Variants in ITK observed in about 807,000 individuals in gnomAD.
ITK encodes IL2 inducible T cell kinase.
Under a neutral mutation model 87.6 loss-of-function variants are expected in ITK, and 45 were observed. The ratio of observed to expected loss-of-function variants is 0.51; its 90% confidence interval spans 0.40 to 0.66. The LOEUF (loss-of-function observed/expected upper bound fraction) is 0.66, where lower values mean the gene tolerates loss of function less well. Ranked by LOEUF, ITK falls within the 30% of genes least tolerant of loss-of-function variation. ITK has a pLI of 0.00. For missense variants in ITK, 605 were observed against 766.3 expected (o/e 0.79, Z 2.48); for synonymous variants, 303 against 273.6 (o/e 1.11, Z -1.06).
intron 8 of ITK, among the ~76,000 whole-genome samples, chr5:157,234,994 G>T (rs377335789): frequency 6.6e-6 from 1 of 152,092 alleles, no homozygotes; most frequent in Non-Finnish European, 1.5e-5. Flanking sequence ...AACTCCTGGT[G>T]TACTGCCCCA....
intron 8 of ITK, among the ~76,000 whole-genome samples, chr5:157,237,679 C>T (rs1447632720): frequency 6.6e-6 from 1 of 152,228 alleles, no homozygotes; most frequent in Non-Finnish European, 1.5e-5. Context: ...GCTTTGCTCA[C>T]ATACCAGAGT....
chr5:157,254,329 C>A lies in ITK; in HGVS notation c.*1651C>A. ...ACTTTGGAGTTATTCAGTTAATGAC[C>A]CTTTAATTCTCACAACCAACCAGTC... On this transcript the variant is annotated 3_prime_UTR_variant, in exon 17 of 17. Transcript: ENST00000422843. 1 of 225,740 alleles carries A rather than the reference C, an allele frequency of 4.4e-6. No individual in the cohort carries two copies. The highest frequency in any genetic ancestry group is 8.8e-6 in the Non-Finnish European group (1 of 113,438). The allele number at this position is 225,740 out of a possible 1,614,324, so 14.0% of individuals were successfully genotyped here. A position where few individuals can be genotyped will look rare whatever the true frequency, so the allele number is the denominator to read the frequency against.
chr5:157,249,280 T>C (rs933864363), intron 16 of ITK, among the ~76,000 whole-genome samples: 1 of 152,258 alleles, frequency 6.6e-6, no homozygotes, highest in Non-Finnish European at 1.5e-5. Context: ...CTATGCCAGC[T>C]TCCTTCTCGA....
chr5:157,228,379 T>C lies in ITK; in HGVS notation c.713+18T>C. 1 of 1,484,380 alleles carries C rather than the reference T, an allele frequency of 6.7e-7. No individual in the cohort carries two copies. Among genetic ancestry groups the C allele is most frequent in the Non-Finnish European group, 9.4e-7 (1 of 1,062,066 alleles). 92.0% of individuals were successfully genotyped at this position (1,484,380 alleles called of 1,614,324 possible). On this transcript the variant is annotated intron_variant, in intron 7 of 16. Transcript: ENST00000422843. ...ACCTATGAGTAAGATATTTTATTTG[T>C]TTTTGGAAAATACAGTCCTAAGGAA...
At chr5:157,252,528 A>G in intron 16 of ITK, 79 bp from the exon 17 acceptor site, 1 of 1,020,256 alleles carries the variant, frequency 9.8e-7, no homozygotes, top group Non-Finnish European at 1.6e-6. Flanking sequence ...GGATGCTGCT[A>G]TTAAATTCTG....
intron 1 of ITK, chr5:157,199,716 A>C (rs1194494350): frequency 6.6e-6 from 1 of 152,222 alleles, no homozygotes; most frequent in Non-Finnish European, 1.5e-5. Context: ...TTTCTCATCT[A>C]TAAAATGGGG....
intron 5 of ITK, 134 bp from the exon 6 acceptor site, chr5:157,222,729 C>A: frequency 1.3e-6 from 1 of 796,730 alleles, no homozygotes; most frequent in Non-Finnish European, 2.1e-6. Flanking sequence ...GTGTCATGTT[C>A]AGCGCTGTAA....
intron 9 of ITK, 60 bp from the exon 10 acceptor site, chr5:157,240,000 ACT>A: frequency 6.5e-7 from 1 of 1,531,154 alleles, no homozygotes. Context: ...ATACTCGTAG[ACT>A]TTTTTGTGTC....
intron 5 of ITK, among the ~76,000 whole-genome samples, chr5:157,222,085 G>T (rs1374896572): frequency 6.6e-6 from 1 of 152,100 alleles, no homozygotes; most frequent in African/African-American, 2.4e-5. Context: ...GCCACTAAAT[G>T]CTTCAATGTA....
intron 6 of ITK, among the ~76,000 whole-genome samples, chr5:157,226,471 G>A (rs1043486412): frequency 6.6e-6 from 1 of 152,178 alleles, no homozygotes; most frequent in Non-Finnish European, 1.5e-5. Context: ...CAGAAGGAAT[G>A]GCAAATTTCA....
intron 5 of ITK, 80 bp downstream of exon 5, chr5:157,217,987 C>T (rs1754334285): frequency 2.4e-6 from 3 of 1,238,240 alleles, no homozygotes; most frequent in Admixed American, 1.7e-5. Context: ...ATGTCCCCCT[C>T]TCCCCATAGT....
At chr5:157,223,108 C>A in intron 6 of ITK, 94 bp downstream of exon 6, 2 of 1,424,834 alleles carry the variant, frequency 1.4e-6, no homozygotes, top group Non-Finnish European at 2.0e-6. Context: ...CACAGTGTAA[C>A]CACAGCACTG....
At chr5:157,221,710 T>A (rs1000354059) in intron 5 of ITK, among the ~76,000 whole-genome samples, 6 of 152,206 alleles carry the variant, frequency 3.9e-5, no homozygotes, top group Non-Finnish European at 7.3e-5. Flanking sequence ...GTGGGATGAA[T>A]GCCATAGCTC....
chr5:157,229,975 G>A (rs570152529), intron 7 of ITK, among the ~76,000 whole-genome samples: 34 of 152,280 alleles, frequency 2.2e-4, no homozygotes, highest in African/African-American at 7.2e-4. Flanking sequence ...GTGATCCTGG[G>A]CTGGATCTTG....
In ITK at chr5:157,243,687, G is replaced by T. The variant is rs373555923; in HGVS notation, c.1125G>T (p.Gly375=). The change falls in exon 12 of 17, where the codon GGG becomes GGT. Residue 375 remains glycine, a synonymous_variant. Transcript: ENST00000422843. ...FVQEIGSGQF[G]LVHLGYWLNK... is the part of the protein sequence containing the mutation. ...AAGAGATTGGCAGTGGGCAATTTGG[G>T]TTGGTGCATCTGGGCTACTGGCTCA... The T allele has an allele frequency of 2.4e-5, 38 of 1,613,748 alleles. No individual in the cohort carries two copies. The highest frequency in any genetic ancestry group is 2.8e-5 in the Non-Finnish European group (33 of 1,179,964).
intron 1 of ITK, among the ~76,000 whole-genome samples, chr5:157,184,405 C>G (rs1002369236): frequency 4.6e-5 from 7 of 152,130 alleles, no homozygotes; most frequent in African/African-American, 1.7e-4. Flanking sequence ...AAGCCGAGTC[C>G]AGCACACCGT....
chr5:157,245,546 CT>C, intron 13 of ITK, 179 bp from the exon 14 acceptor site: 1 of 668,656 alleles, frequency 1.5e-6, no homozygotes, highest in Non-Finnish European at 2.7e-6. Flanking sequence ...ACACATTCAA[CT>C]TTCCAGTTAA....
At chr5:157,226,230 CA>C (rs1439792336) in intron 6 of ITK, among the ~76,000 whole-genome samples, 1 of 152,162 alleles carries the variant, frequency 6.6e-6, no homozygotes, top group Non-Finnish European at 1.5e-5. Context: ...CTGATAATGT[CA>C]GCTTTGTCTA....
chr5:157,186,255 C>A (rs1021127636), intron 1 of ITK, among the ~76,000 whole-genome samples: 2 of 152,158 alleles, frequency 1.3e-5, no homozygotes, highest in African/African-American at 4.8e-5. Flanking sequence ...TTGGTACCCC[C>A]TGCCAAATGG....
Sources: allele counts gnomAD v4.1 joint callset (sites outside exome capture counted in the v4.1 genomes callset), GRCh38; gene constraint gnomAD v4.1.1; transcripts MANE v1.5; gene names NCBI Gene and HGNC (gene_info 2026-07-23, HGNC 2026-07-21).